Variants in DMD observed in about 807,000 individuals in gnomAD.
DMD encodes dystrophin, also known as mutant dystrophin.
DMD carries 63 observed loss-of-function variants against 330.1 expected under a neutral mutation model. That is an observed-to-expected ratio of 0.19 (90% confidence interval 0.16 to 0.24). The LOEUF (loss-of-function observed/expected upper bound fraction) is 0.24, where lower values mean the gene tolerates loss of function less well. Ranked by LOEUF, DMD falls within the 10% of genes least tolerant of loss-of-function variation. The probability of loss-of-function intolerance (pLI) is 1.00; values close to 1 mark genes in which losing one functional copy is unlikely to be tolerated. For synonymous variants in DMD, 1,223 were observed against 959.8 expected (o/e 1.27, Z -5.07); for missense variants, 3,344 against 2,684.1 (o/e 1.25, Z -5.43).
chrX:31,712,688 A>G (rs1472993160), intron 52 of DMD, among the ~76,000 whole-genome samples: 1 of 111,110 alleles, frequency 9.0e-6, no homozygotes, highest in Non-Finnish European at 1.9e-5. Context: ...AAATTCATAA[A>G]ATGTATAAAT....
chrX:31,611,753 G>T (rs2148302590), intron 55 of DMD, among the ~76,000 whole-genome samples: 1 of 110,591 alleles, frequency 9.0e-6, no homozygotes, highest in South Asian at 3.9e-4. Flanking sequence ...TAGAGATGGG[G>T]CCTTGCCATG....
chrX:31,827,895 C>T (rs2405151), intron 49 of DMD, among the ~76,000 whole-genome samples: 32,657 of 110,376 alleles, frequency 0.3, 3,487 homozygotes, highest in East Asian at 0.48. Context: ...TTTATCAAAA[C>T]CTCTGAGATA....
intron 15 of DMD, among the ~76,000 whole-genome samples, chrX:32,570,489 G>A (rs749270951): frequency 5.4e-5 from 6 of 111,999 alleles, no homozygotes; most frequent in Non-Finnish European, 7.5e-5. Context: ...TTATGGCCCT[G>A]AGGCTAGCCA....
chrX:32,454,580 T>C (rs1259343298), intron 26 of DMD, 82 bp downstream of exon 26: 1 of 831,769 alleles, frequency 1.2e-6, no homozygotes, highest in African/African-American at 2.1e-5. Flanking sequence ...GCAGACTGTA[T>C]ACAACTTCAA....
chrX:31,649,665 G>A (rs2080329034), intron 54 of DMD, among the ~76,000 whole-genome samples: 1 of 108,965 alleles, frequency 9.2e-6, no homozygotes, highest in Non-Finnish European at 1.9e-5. Flanking sequence ...TTAAACCTCC[G>A]AAGAGTTCTT....
At chrX:32,822,597 A>G (rs867380046) in intron 5 of DMD, among the ~76,000 whole-genome samples, 1 of 109,954 alleles carries the variant, frequency 9.1e-6, no homozygotes, top group Non-Finnish European at 1.9e-5. Flanking sequence ...ATGAGTGTGT[A>G]TATATATACA....
intron 1 of DMD, among the ~76,000 whole-genome samples, chrX:33,267,526 A>AT (rs2053065228): frequency 9.0e-6 from 1 of 111,423 alleles, no homozygotes; most frequent in African/African-American, 3.3e-5. Flanking sequence ...CAACCAAAAA[A>AT]AAAAATAAAA....
intron 44 of DMD, among the ~76,000 whole-genome samples, chrX:32,172,143 A>G (rs1395213848): frequency 9.0e-6 from 1 of 111,585 alleles, no homozygotes; most frequent in East Asian, 2.9e-4. Context: ...AGGGAATTGT[A>G]TGGTTTCAGA....
At chrX:32,280,144 GTATATA>G (rs200390755) in intron 43 of DMD, among the ~76,000 whole-genome samples, 2 of 46,157 alleles carry the variant, frequency 4.3e-5, no homozygotes, top group African/African-American at 1.5e-4. Flanking sequence ...TATATATACA[GTATATA>G]TATATATATA....
chrX:31,121,772 T>TAATC lies in DMD; in HGVS notation c.*143_*146dup. ...TTATTTCTTGTAAACTCTTACTGTCTAATCCTCTTTGTTGTATGAATATTA... is the reference window on the plus strand; with the variant it reads ...TTATTTCTTGTAAACTCTTACTGTCTAATCAATCCTCTTTGTTGTATGAATATTA... On this transcript the variant is annotated 3_prime_UTR_variant, in exon 79 of 79. Coordinates refer to ENST00000357033, the MANE Select transcript of DMD (RefSeq NM_004006.3). The TAATC allele has an allele frequency of 1.2e-6, 1 of 844,327 alleles. No individual in the cohort carries two copies. Among genetic ancestry groups the TAATC allele is most frequent in the Non-Finnish European group, 1.8e-6 (1 of 562,107 alleles). 69.6% of individuals were successfully genotyped at this position (844,327 alleles called of 1,213,427 possible). A position where few individuals can be genotyped will look rare whatever the true frequency, so the allele number is the denominator to read the frequency against.
chrX:33,083,065 C>T (rs2094954130), intron 1 of DMD, among the ~76,000 whole-genome samples: 1 of 111,130 alleles, frequency 9.0e-6, no homozygotes, highest in Non-Finnish European at 1.9e-5. Context: ...AGAGAGAGAC[C>T]AGAAACTTGA....
At chrX:31,814,477 C>T (rs1192513400) in intron 50 of DMD, among the ~76,000 whole-genome samples, 3 of 55,164 alleles carry the variant, frequency 5.4e-5, no homozygotes, top group African/African-American at 8.0e-5. Flanking sequence ...AGTGAGACTC[C>T]GTCTCAAAAA....
At chrX:32,910,024 G>A (rs1024836275) in intron 2 of DMD, among the ~76,000 whole-genome samples, 9 of 111,175 alleles carry the variant, frequency 8.1e-5, no homozygotes, top group Non-Finnish European at 1.7e-4. Context: ...ACATAGACAG[G>A]ACACATTGAT....
At chrX:32,322,361 C>A (rs1237899472) in intron 41 of DMD, among the ~76,000 whole-genome samples, 1 of 110,827 alleles carries the variant, frequency 9.0e-6, no homozygotes, top group Non-Finnish European at 1.9e-5. Context: ...GAGTTCAAGA[C>A]CAGCCTGGGC....
intron 1 of DMD, among the ~76,000 whole-genome samples, chrX:33,259,597 G>GCCC (rs34830749): frequency 6.3e-4 from 10 of 15,799 alleles, no homozygotes; most frequent in African/African-American, 1.3e-3. Flanking sequence ...TTTCAAAATC[G>GCCC]CCCCCCCCCC....
chrX:31,434,247 C>T (rs1428669527), intron 60 of DMD, among the ~76,000 whole-genome samples: 1 of 111,152 alleles, frequency 9.0e-6, no homozygotes, highest in Non-Finnish European at 1.9e-5. Context: ...TGGAATTTTA[C>T]AACCCTGTTT....
At chrX:32,654,924 G>T (rs977827143) in intron 9 of DMD, among the ~76,000 whole-genome samples, 1 of 111,865 alleles carries the variant, frequency 8.9e-6, no homozygotes, top group Non-Finnish European at 1.9e-5. Flanking sequence ...AGATTTTCTA[G>T]TTTATTTGCG....
At chrX:32,015,431 C>A (rs1386931134) in intron 44 of DMD, among the ~76,000 whole-genome samples, 1 of 110,670 alleles carries the variant, frequency 9.0e-6, no homozygotes, top group African/African-American at 3.3e-5. Context: ...AGTGTCAGAA[C>A]CCCCTGGAGA....
chrX:33,091,725 G>A (rs755698506), intron 1 of DMD, among the ~76,000 whole-genome samples: 1 of 111,688 alleles, frequency 9.0e-6, no homozygotes, highest in Admixed American at 9.6e-5. Flanking sequence ...CATGAAGGCT[G>A]CTTTACAGAA....
Sources: allele counts gnomAD v4.1 joint callset (sites outside exome capture counted in the v4.1 genomes callset), GRCh38; gene constraint gnomAD v4.1.1; transcripts MANE v1.5; gene names NCBI Gene and HGNC (gene_info 2026-07-23, HGNC 2026-07-21).